Variants in EXT1 observed in about 807,000 individuals in gnomAD.
EXT1 encodes the protein exostosin-1.
Under a neutral mutation model 82.5 loss-of-function variants are expected in EXT1, and 20 were observed. The observed-to-expected ratio is 0.24, with a 90% CI of 0.17 to 0.35. EXT1 has a LOEUF of 0.35. Ranked by LOEUF, EXT1 falls within the 10% of genes least tolerant of loss-of-function variation. The pLI is 1.00. For synonymous variants in EXT1, 348 were observed against 350.8 expected (o/e 0.99, Z 0.09); for missense variants, 757 against 936.5 (o/e 0.81, Z 2.50).
At chr8:118,044,500 C>T (rs113027673) in intron 1 of EXT1, among the ~76,000 whole-genome samples, 59 of 152,184 alleles carry the variant, frequency 3.9e-4, no homozygotes, top group South Asian at 6.2e-4. Context: ...CGCCACCTCC[C>T]GGGTTCAAGC....
At chr8:118,089,178 G>A (rs1050391347) in intron 1 of EXT1, among the ~76,000 whole-genome samples, 8 of 152,104 alleles carry the variant, frequency 5.3e-5, no homozygotes, top group African/African-American at 1.9e-4. Context: ...AGGCAACTGA[G>A]AAAATAAGCA....
intron 7 of EXT1, among the ~76,000 whole-genome samples, chr8:117,815,135 T>C (rs533825859): frequency 6.6e-6 from 1 of 152,344 alleles, no homozygotes; most frequent in East Asian, 1.9e-4. Flanking sequence ...GCAATCCTCC[T>C]GATACTGTTT....
chr8:118,062,861 T>C (rs2451160), intron 1 of EXT1, among the ~76,000 whole-genome samples: 52,396 of 152,042 alleles, frequency 0.34, 10,939 homozygotes, highest in East Asian at 0.57. Context: ...ATTTATTCTG[T>C]TTAATGTGTC....
At chr8:117,848,543 A>T (rs572710216) in intron 1 of EXT1, among the ~76,000 whole-genome samples, 2 of 152,266 alleles carry the variant, frequency 1.3e-5, no homozygotes, top group East Asian at 3.9e-4. Context: ...GGTGGACCAG[A>T]TGGCCCAAAG....
chr8:118,047,283 C>G (rs1237798238), intron 1 of EXT1, among the ~76,000 whole-genome samples: 1 of 152,140 alleles, frequency 6.6e-6, no homozygotes, highest in African/African-American at 2.4e-5. Flanking sequence ...ATACTCCCCT[C>G]CATGCATCCT....
At chr8:117,897,420 G>C (rs1384551457) in intron 1 of EXT1, among the ~76,000 whole-genome samples, 3 of 152,096 alleles carry the variant, frequency 2.0e-5, no homozygotes, top group Non-Finnish European at 4.4e-5. Flanking sequence ...CTGTGTGCTG[G>C]AATCTGTGCT....
At position 117,795,988 on chromosome 8, in the gene EXT1, G is replaced by A. The variant is rs1823083852; in HGVS notation, c.*3724C>T. ...GGCTGATAGTGAAAGAAATTTCTTGGTTAAATCTGGCCAAGAATGACAAAA... is the reference window on the plus strand; with the variant it reads ...GGCTGATAGTGAAAGAAATTTCTTGATTAAATCTGGCCAAGAATGACAAAA... On this transcript the variant is annotated 3_prime_UTR_variant, in exon 11 of 11. Coordinates refer to ENST00000378204, the MANE Select transcript of EXT1 (RefSeq NM_000127.3). 1 of 152,094 alleles carries A rather than the reference G, an allele frequency of 6.6e-6. No individual in the cohort carries two copies. Among genetic ancestry groups the A allele is most frequent in the South Asian group, 2.1e-4 (1 of 4,826 alleles). The allele number at this position is 152,094 out of a possible 1,614,324, so 9.4% of individuals were successfully genotyped here. A position where few individuals can be genotyped will look rare whatever the true frequency, so the allele number is the denominator to read the frequency against.
At chr8:117,980,537 T>C (rs1815168255) in intron 1 of EXT1, among the ~76,000 whole-genome samples, 1 of 152,170 alleles carries the variant, frequency 6.6e-6, no homozygotes, top group Non-Finnish European at 1.5e-5. Context: ...TTCCTGTTTT[T>C]CAACGTTGGG....
intron 1 of EXT1, among the ~76,000 whole-genome samples, chr8:117,984,715 C>G (rs573937612): frequency 2.5e-4 from 38 of 152,114 alleles, no homozygotes; most frequent in Non-Finnish European, 4.0e-4. Context: ...CTGGACACAC[C>G]AAAAAGCACA....
chr8:117,915,946 A>C (rs1474675333), intron 1 of EXT1, among the ~76,000 whole-genome samples: 1 of 152,246 alleles, frequency 6.6e-6, no homozygotes. Flanking sequence ...GGCTGAATGT[A>C]AAAACTTAAA....
intron 1 of EXT1, among the ~76,000 whole-genome samples, chr8:117,944,406 A>AT (rs372072348): frequency 1.3e-4 from 19 of 151,968 alleles, no homozygotes; most frequent in African/African-American, 4.6e-4. Context: ...AAACAAATAA[A>AT]AAAGTGAAAT....
chr8:117,960,167 T>C lies in EXT1; in HGVS notation c.963-122966A>G, dbSNP rs113541042. Among the ~76,000 whole-genome samples the C allele has an allele frequency of 8.1e-3, 1,226 of 152,262 alleles. 24 individuals are homozygous for C. The highest frequency in any genetic ancestry group is 0.028 in the African/African-American group (1,171 of 41,556). ...CAGAGGTTGCAGTGAGCCAAGATTG[T>C]GCCACTGCACTCCAGCCTGGGTGAC... On this transcript the variant is annotated intron_variant, in intron 1 of 10. Transcript: ENST00000378204.
intron 1 of EXT1, among the ~76,000 whole-genome samples, chr8:118,050,345 C>T (rs1264241391): frequency 2.0e-5 from 3 of 152,198 alleles, no homozygotes; most frequent in Admixed American, 6.5e-5. Flanking sequence ...TATCTCATTT[C>T]GTCCTCACCC....
intron 1 of EXT1, among the ~76,000 whole-genome samples, chr8:117,881,335 T>A (rs1455996410): frequency 1.3e-5 from 2 of 152,186 alleles, no homozygotes; most frequent in Non-Finnish European, 2.9e-5. Context: ...GGACTAGGGA[T>A]CTAGTTTATT....
intron 1 of EXT1, among the ~76,000 whole-genome samples, chr8:117,990,438 A>G (rs1815409209): frequency 6.6e-6 from 1 of 152,218 alleles, no homozygotes; most frequent in Admixed American, 6.5e-5. Context: ...ACTCAGCTGA[A>G]GCGATATCTC....
At chr8:117,872,306 G>A (rs988722949) in intron 1 of EXT1, among the ~76,000 whole-genome samples, 1 of 152,094 alleles carries the variant, frequency 6.6e-6, no homozygotes, top group Non-Finnish European at 1.5e-5. Context: ...CTATTAATTT[G>A]CATGCAGAAC....
At chr8:117,832,317 A>T (rs1264713266) in intron 3 of EXT1, among the ~76,000 whole-genome samples, 1 of 152,128 alleles carries the variant, frequency 6.6e-6, no homozygotes, top group African/African-American at 2.4e-5. Context: ...CGAGTTCAGG[A>T]GTTCAAGACC....
intron 1 of EXT1, among the ~76,000 whole-genome samples, chr8:117,909,255 G>C (rs1032017920): frequency 6.6e-6 from 1 of 152,150 alleles, no homozygotes; most frequent in African/African-American, 2.4e-5. Context: ...AGGCCCTTCA[G>C]TTGCAATTGG....
At chr8:118,008,813 A>G (rs1307904630) in intron 1 of EXT1, among the ~76,000 whole-genome samples, 4 of 152,172 alleles carry the variant, frequency 2.6e-5, no homozygotes, top group African/African-American at 7.2e-5. Context: ...GCCTTATCTG[A>G]AAATGAAGAT....
Sources: allele counts gnomAD v4.1 joint callset (sites outside exome capture counted in the v4.1 genomes callset), GRCh38; gene constraint gnomAD v4.1.1; transcripts MANE v1.5; gene names NCBI Gene and HGNC (gene_info 2026-07-23, HGNC 2026-07-21).